The following SAMD3 variants were observed in gnomAD, a reference collection of about 807,000 sequenced individuals.
SAMD3 encodes the protein sterile alpha motif domain-containing protein 3.
SAMD3 carries 63 observed loss-of-function variants against 58.5 expected under a neutral mutation model. The observed-to-expected ratio is 1.08, with a 90% CI of 0.88 to 1.33. The LOEUF (loss-of-function observed/expected upper bound fraction) is 1.33. SAMD3 is among the 40% of genes most tolerant of loss of function. The probability of loss-of-function intolerance (pLI) is 0.00; values close to 1 mark genes in which losing one functional copy is unlikely to be tolerated. For missense variants in SAMD3, 604 were observed against 608.4 expected (o/e 0.99, Z 0.08); for synonymous variants, 220 against 210.3 (o/e 1.05, Z -0.40).
chr6:130,333,923 C>T (rs1482555066), intron 1 of SAMD3, among the ~76,000 whole-genome samples: 1 of 152,130 alleles, frequency 6.6e-6, no homozygotes, highest in Non-Finnish European at 1.5e-5. Flanking sequence ...CAGAGGATAG[C>T]CAGACTCCTC....
intron 2 of SAMD3, among the ~76,000 whole-genome samples, chr6:130,269,598 C>G (rs1267042510): frequency 6.6e-6 from 1 of 151,854 alleles, no homozygotes; most frequent in East Asian, 1.9e-4. Context: ...TATGTGTCTT[C>G]TCTCTTTTTC....
intron 8 of SAMD3, among the ~76,000 whole-genome samples, chr6:130,156,985 G>A (rs970573040): frequency 2.6e-5 from 4 of 151,966 alleles, no homozygotes; most frequent in Admixed American, 2.0e-4. Context: ...CAGGAGAATC[G>A]TTTGAACCTG....
At position 130,277,934 on chromosome 6, in the gene SAMD3, TCTC is replaced by T. The variant is rs944809942; in HGVS notation, c.-188+35041_-188+35043del. Reference sequence around the variant, plus strand: ...GGTAACAGCCCTTTCCCAAAACAAATCTCCTTCTTGCTTGGGGACTAGATTGCC... The same window carrying T: ...GGTAACAGCCCTTTCCCAAAACAAATCTTCTTGCTTGGGGACTAGATTGCC... On this transcript the variant is annotated intron_variant, in intron 2 of 13. Coordinates refer to the SAMD3 transcript ENST00000368134. 3.7e-4 allele frequency among the ~76,000 whole-genome samples: 56 copies of T among 152,140 alleles called. 1 individual carries two copies. Among genetic ancestry groups the T allele is most frequent in the African/African-American group, 1.3e-3 (53 of 41,528 alleles).
chr6:130,365,491 G>A (rs985673759), upstream of SAMD3: 1 of 985,202 alleles, frequency 1.0e-6, no homozygotes, highest in African/African-American at 1.7e-5. Flanking sequence ...CGGCCCGCCG[G>A]GCGGCATCTG....
chr6:130,180,888 G>A (rs1792245328), intron 7 of SAMD3, among the ~76,000 whole-genome samples: 2 of 151,480 alleles, frequency 1.3e-5, no homozygotes, highest in African/African-American at 2.4e-5. Flanking sequence ...GCATATCAAT[G>A]TAGCATTCTT....
intron 2 of SAMD3, among the ~76,000 whole-genome samples, chr6:130,284,321 A>T (rs543181989): frequency 6.6e-6 from 1 of 152,354 alleles, no homozygotes; most frequent in Non-Finnish European, 1.5e-5. Context: ...CTGTTTAATC[A>T]AGTATATATG....
chr6:130,164,540 G>C (rs1790554575), intron 8 of SAMD3, among the ~76,000 whole-genome samples: 1 of 152,098 alleles, frequency 6.6e-6, no homozygotes. Context: ...ACAGAGAAGT[G>C]GATCGAATGC....
chr6:130,207,138 T>A (rs1795149198), intron 5 of SAMD3, among the ~76,000 whole-genome samples: 1 of 126,622 alleles, frequency 7.9e-6, no homozygotes, highest in African/African-American at 3.2e-5. Flanking sequence ...GATAGAGAGA[T>A]GGTGATAGAC....
chr6:130,351,764 A>G (rs559198620), intron 1 of SAMD3, among the ~76,000 whole-genome samples: 1 of 152,142 alleles, frequency 6.6e-6, no homozygotes, highest in South Asian at 2.1e-4. Context: ...ACATGCACAC[A>G]TATGTTTATT....
intron 2 of SAMD3, among the ~76,000 whole-genome samples, chr6:130,277,094 T>C (rs1201805394): frequency 1.3e-5 from 2 of 152,230 alleles, no homozygotes. Context: ...TATGGCCACA[T>C]GATTCCTGAG....
At chr6:130,359,690 T>C (rs1777930781) in intron 1 of SAMD3, among the ~76,000 whole-genome samples, 1 of 152,216 alleles carries the variant, frequency 6.6e-6, no homozygotes, top group Non-Finnish European at 1.5e-5. Context: ...CACTCGCTCA[T>C]TTCTATACAG....
intron 2 of SAMD3, among the ~76,000 whole-genome samples, chr6:130,267,497 G>A (rs1016132375): frequency 6.6e-6 from 1 of 152,080 alleles, no homozygotes; most frequent in African/African-American, 2.4e-5. Flanking sequence ...GTCTCAAAGT[G>A]GGGAAATGAG....
chr6:130,269,179 C>A (rs1190544061), intron 2 of SAMD3, among the ~76,000 whole-genome samples: 1 of 152,108 alleles, frequency 6.6e-6, no homozygotes, highest in Non-Finnish European at 1.5e-5. Flanking sequence ...TGCCTATATA[C>A]GTTCAATTGC....
At chr6:130,216,510 TA>T (rs1796011986) in intron 2 of SAMD3, 60 bp downstream of exon 2, 3 of 152,176 alleles carry the variant, frequency 2.0e-5, no homozygotes, top group African/African-American at 7.2e-5. Context: ...TTTGTATATT[TA>T]AAGAAGTTAC....
At chr6:130,164,649 A>T (rs887878687) in intron 8 of SAMD3, among the ~76,000 whole-genome samples, 2 of 152,092 alleles carry the variant, frequency 1.3e-5, no homozygotes, top group Non-Finnish European at 2.9e-5. Flanking sequence ...AAAGTTTATC[A>T]CACATATGAC....
chr6:130,143,779 G>A (rs1373710989), downstream of SAMD3: 2 of 152,248 alleles, frequency 1.3e-5, no homozygotes, highest in East Asian at 3.8e-4. Flanking sequence ...GAGGGAGAGT[G>A]CACTGAGTCT....
chr6:130,162,471 A>G (rs919501348), intron 8 of SAMD3, among the ~76,000 whole-genome samples: 1 of 152,166 alleles, frequency 6.6e-6, no homozygotes, highest in African/African-American at 2.4e-5. Flanking sequence ...AAGTTTACAA[A>G]GAGAGTATCT....
downstream of SAMD3, chr6:130,144,245 A>C (rs1788413317): frequency 2.4e-6 from 1 of 415,152 alleles, no homozygotes; most frequent in Admixed American, 4.2e-5. Context: ...TATTTCAAAA[A>C]AACTGAGGCA....
At chr6:130,294,873 T>C (rs1775504607) in intron 2 of SAMD3, among the ~76,000 whole-genome samples, 1 of 151,168 alleles carries the variant, frequency 6.6e-6, no homozygotes, top group South Asian at 2.1e-4. Context: ...TATTTTTGAA[T>C]TCCAGGAATG....
Sources: allele counts gnomAD v4.1 joint callset (sites outside exome capture counted in the v4.1 genomes callset), GRCh38; gene constraint gnomAD v4.1.1; transcripts MANE v1.5; gene names NCBI Gene and HGNC (gene_info 2026-07-23, HGNC 2026-07-21).